The following MTUS1 variants were observed in gnomAD, a reference collection of about 807,000 sequenced individuals.
MTUS1 encodes microtubule-associated tumor suppressor 1.
In MTUS1, 109 loss-of-function variants were observed where a neutral mutation model predicts 120.8. The observed-to-expected ratio is 0.90, with a 90% CI of 0.77 to 1.06. The LOEUF (loss-of-function observed/expected upper bound fraction) is 1.06, where lower values mean the gene tolerates loss of function less well. MTUS1 is among the 50% of genes least tolerant of loss of function. MTUS1 has a pLI of 0.00. For missense variants in MTUS1, 2,210 were observed against 1,486.3 expected (o/e 1.49, Z -8.01); for synonymous variants, 737 against 550.5 (o/e 1.34, Z -4.74).
intron 8 of MTUS1, among the ~76,000 whole-genome samples, chr8:17,657,972 TATAC>T (rs1346521392): frequency 6.6e-6 from 1 of 150,664 alleles, no homozygotes; most frequent in Non-Finnish European, 1.5e-5. Flanking sequence ...TATACATGCA[TATAC>T]ATATACATAT....
rs1255040926 is a variant in MTUS1 at position 17,755,347 on chromosome 8, G to A, written c.461C>T (p.Ala154Val). The change falls in exon 2 of 15, where the codon GCC (alanine) becomes GTC (valine). Residue 154 changes from alanine (A) to valine (V), a missense_variant. Transcript: ENST00000693296. ...DNLNCAGYCD[A>V]LELNQTFDMT... ...GTCAAATGTTTGGTTTAGCTCCAAG[G>A]CATCACAGTAGCCTGCACAGTTCAA... 2 of 1,614,142 alleles carry A rather than the reference G, an allele frequency of 1.2e-6. No homozygotes were observed. Among genetic ancestry groups the A allele is most frequent in the Non-Finnish European group, 8.5e-7 (1 of 1,180,010 alleles).
intron 6 of MTUS1, among the ~76,000 whole-genome samples, chr8:17,710,496 C>T (rs148525425): frequency 6.6e-6 from 1 of 152,198 alleles, no homozygotes; most frequent in African/African-American, 2.4e-5. Flanking sequence ...TGCAGTCACA[C>T]CTTAGGCTTC....
chr8:17,725,058 A>G (rs1278207805), intron 3 of MTUS1, among the ~76,000 whole-genome samples: 2 of 152,022 alleles, frequency 1.3e-5, no homozygotes, highest in Admixed American at 1.3e-4. Flanking sequence ...ACCCAGCCAT[A>G]TAGCCCTATT....
rs1805632068 is a variant in MTUS1 at position 17,645,685 on chromosome 8, G to A, written c.*241C>T. On this transcript the variant is annotated 3_prime_UTR_variant, in exon 15 of 15. Coordinates refer to ENST00000693296, the MANE Select transcript of MTUS1 (RefSeq NM_001363059.2). ...TTAAGTGCTTTGTGCAACAACGTCC[G>A]TGTCGATGCCGAAATCTTTTTTTAA... The A allele has an allele frequency of 2.0e-5, 9 of 458,790 alleles. No homozygotes were observed. The highest frequency in any genetic ancestry group is 7.9e-5 in the East Asian group (2 of 25,362). The allele number at this position is 458,790 out of a possible 1,614,324, so 28.4% of individuals were successfully genotyped here.
At chr8:17,743,266 G>A (rs772901072) in intron 3 of MTUS1, among the ~76,000 whole-genome samples, 5 of 151,938 alleles carry the variant, frequency 3.3e-5, no homozygotes, top group East Asian at 3.9e-4. Flanking sequence ...GGGACCTACC[G>A]TACAACACTT....
At chr8:17,715,566 G>A (rs543832157) in intron 5 of MTUS1, among the ~76,000 whole-genome samples, 35 of 152,240 alleles carry the variant, frequency 2.3e-4, no homozygotes, top group African/African-American at 6.7e-4. Flanking sequence ...TGACTTACAC[G>A]TAATGATTTT....
intron 1 of MTUS1, among the ~76,000 whole-genome samples, chr8:17,787,087 G>T (rs1220413884): frequency 6.6e-6 from 1 of 152,202 alleles, no homozygotes; most frequent in East Asian, 1.9e-4. Flanking sequence ...AGAAAGCGCT[G>T]TGTAAACACA....
chr8:17,671,560 T>C (rs1313876979), intron 8 of MTUS1, among the ~76,000 whole-genome samples: 1 of 152,160 alleles, frequency 6.6e-6, no homozygotes. Context: ...ACACACAGGC[T>C]GCTTTGGACA....
At chr8:17,748,906 A>G (rs1013396084) in intron 2 of MTUS1, among the ~76,000 whole-genome samples, 6 of 152,204 alleles carry the variant, frequency 3.9e-5, no homozygotes, top group African/African-American at 1.4e-4. Context: ...TCTATTCTAC[A>G]TAGAGGAAAT....
At chr8:17,724,530 CA>C (rs1471369581) in intron 3 of MTUS1, among the ~76,000 whole-genome samples, 1 of 137,100 alleles carries the variant, frequency 7.3e-6, no homozygotes, top group African/African-American at 2.6e-5. Context: ...ACTCCCCACA[CA>C]GTTTATTTGC....
intron 9 of MTUS1, 108 bp downstream of exon 9, chr8:17,655,755 T>A: frequency 1.1e-6 from 1 of 937,714 alleles, no homozygotes; most frequent in Non-Finnish European, 1.7e-6. Context: ...AACATGCTTT[T>A]TATACCTATT....
At chr8:17,661,188 A>C (rs1229029744) in intron 8 of MTUS1, among the ~76,000 whole-genome samples, 2 of 152,148 alleles carry the variant, frequency 1.3e-5, no homozygotes. Context: ...TCCTCGTGTG[A>C]ATCTCGTATT....
intron 7 of MTUS1, among the ~76,000 whole-genome samples, chr8:17,679,936 G>A (rs559417330): frequency 6.6e-5 from 10 of 152,274 alleles, no homozygotes; most frequent in African/African-American, 1.4e-4. Flanking sequence ...CATCCTCTCC[G>A]TTCATATGTT....
chr8:17,648,109 C>T (rs1008760520), intron 13 of MTUS1, among the ~76,000 whole-genome samples: 4 of 152,186 alleles, frequency 2.6e-5, no homozygotes, highest in African/African-American at 4.8e-5. Flanking sequence ...AATATCTCAT[C>T]CTAGGGAAAC....
At chr8:17,648,523 G>T (rs1806304592) in intron 13 of MTUS1, among the ~76,000 whole-genome samples, 1 of 152,212 alleles carries the variant, frequency 6.6e-6, no homozygotes, top group African/African-American at 2.4e-5. Flanking sequence ...ACCAGACTCA[G>T]TCGAACAGGA....
intron 7 of MTUS1, chr8:17,676,059 A>T (rs2301541): frequency 0.65 from 363,609 of 557,924 alleles, 121,416 homozygotes; most frequent in East Asian, 0.78. Context: ...TAAAAAAAAA[A>T]TGAAGAATTT....
intron 1 of MTUS1, among the ~76,000 whole-genome samples, chr8:17,794,345 G>GA (rs755345408): frequency 3.3e-5 from 5 of 150,430 alleles, no homozygotes; most frequent in East Asian, 1.9e-4. Context: ...AAAGATAAAA[G>GA]AAAAAAAAAT....
At chr8:17,653,314 AC>A in intron 11 of MTUS1, 33 bp from the exon 12 acceptor site, 1 of 1,499,926 alleles carries the variant, frequency 6.7e-7, no homozygotes, top group Non-Finnish European at 9.0e-7. Flanking sequence ...ACTTAAGTTA[AC>A]AAGAAAACCC....
chr8:17,734,992 T>C (rs146228614), intron 3 of MTUS1, among the ~76,000 whole-genome samples: 1,606 of 152,162 alleles, frequency 0.011, 34 homozygotes, highest in African/African-American at 0.036. Flanking sequence ...TAGCTCACTG[T>C]AGACTCAAAT....
Sources: allele counts gnomAD v4.1 joint callset (sites outside exome capture counted in the v4.1 genomes callset), GRCh38; gene constraint gnomAD v4.1.1; transcripts MANE v1.5; gene names NCBI Gene and HGNC (gene_info 2026-07-23, HGNC 2026-07-21).